Variants in ZDHHC12 observed in about 807,000 individuals in gnomAD.
ZDHHC12 encodes zDHHC palmitoyltransferase 12.
Under a neutral mutation model 33.2 loss-of-function variants are expected in ZDHHC12, and 26 were observed. The ratio of observed to expected loss-of-function variants is 0.78; its 90% CI spans 0.57 to 1.09. The LOEUF (loss-of-function observed/expected upper bound fraction) is 1.09, where lower values mean the gene tolerates loss of function less well. ZDHHC12 is among the 50% of genes least tolerant of loss of function. ZDHHC12 has a pLI of 0.00. For missense variants in ZDHHC12, 350 were observed against 353.0 expected (o/e 0.99, Z 0.07); for synonymous variants, 154 against 152.1 (o/e 1.01, Z -0.09).
chr9:128,721,847 G>A lies in ZDHHC12; in HGVS notation c.316-30C>T. The A allele has an allele frequency of 6.2e-7, 1 of 1,608,108 alleles. No individual in the cohort carries two copies. Among genetic ancestry groups the A allele is most frequent in the Non-Finnish European group, 8.5e-7 (1 of 1,176,778 alleles). ...GGGCATGGAGGAGAGTGGAGGCTCA[G>A]TGCCAGCCCTGCTGTGGGCCCACCA... On this transcript the variant is annotated intron_variant, in intron 3 of 4. Transcript: ENST00000372663. The surrounding 1 kb of genome is among the most constrained non-coding windows in gnomAD (Gnocchi z 6.9).
chr9:128,724,069 G>A lies in ZDHHC12; in HGVS notation c.25C>T (p.Pro9Ser), dbSNP rs1245560985. 2 of 1,599,840 alleles carry A rather than the reference G, an allele frequency of 1.3e-6. No homozygotes were observed. Among genetic ancestry groups the A allele is most frequent in the Middle Eastern group, 1.7e-4 (1 of 6,010 alleles). ...TGCCCGGTCCGCACCAGGACCCCAG[G>A]GCTGAGGAGCGCCCAGGGCGCCATC... MAPWALLS[P>S]GVLVRTGHTV... The change falls in exon 1 of 5, where the codon CCT (proline) becomes TCT (serine). Residue 9 changes from proline (P) to serine (S), a missense_variant. By Grantham distance (74) the Pro-to-Ser change is moderately conservative. Transcript: ENST00000372663.
chr9:128,722,953 G>A lies in ZDHHC12; in HGVS notation c.101-379C>T. 3.7e-6 allele frequency: 1 copy of A among 269,318 alleles called. No homozygotes were observed. Among genetic ancestry groups the A allele is most frequent in the Non-Finnish European group, 7.0e-6 (1 of 143,338 alleles). 16.7% of individuals were successfully genotyped at this position (269,318 alleles called of 1,614,324 possible). A position where few individuals can be genotyped will look rare whatever the true frequency, so the allele number is the denominator to read the frequency against. ...GAGCCAGACCTGACTGGATGTGGGAGAGAGGGAAGAGGGGTCCAGCGTCTC... is the reference window on the plus strand; with the variant it reads ...GAGCCAGACCTGACTGGATGTGGGAAAGAGGGAAGAGGGGTCCAGCGTCTC... On this transcript the variant is annotated intron_variant, in intron 1 of 4. Transcript: ENST00000372663. This position sits in a 1 kb window ranked among gnomAD's most constrained non-coding sequence, Gnocchi z 4.2.
Position 128,722,578 on chromosome 9 carries a change from G to A in ZDHHC12, c.101-4C>T, listed in dbSNP as rs1008646555. 5.7e-6 allele frequency: 9 copies of A among 1,591,420 alleles called. No homozygotes were observed. The highest frequency in any genetic ancestry group is 1.8e-5 in the Admixed American group (1 of 56,656). On this transcript the variant is annotated splice_region_variant and splice_polypyrimidine_tract_variant and intron_variant, in intron 1 of 4. Coordinates refer to ENST00000372663, the MANE Select transcript of ZDHHC12 (RefSeq NM_032799.5). The surrounding 1 kb of genome is among the most constrained non-coding windows in gnomAD (Gnocchi z 4.2). The stretch of plus-strand genomic sequence containing the variant: ...TGCTCCTCCCATTGCCGCAGCTCTG[G>A]AGAGGCCGGAGAGCACAGTGAGGCT...
At position 128,722,121 on chromosome 9, in the gene ZDHHC12, C is replaced by T; in HGVS notation, c.238-35G>A. On this transcript the variant is annotated intron_variant, in intron 2 of 4. Coordinates refer to ENST00000372663, the MANE Select transcript of ZDHHC12 (RefSeq NM_032799.5). This position sits in a 1 kb window ranked among gnomAD's most constrained non-coding sequence, Gnocchi z 4.2. ...GGGGTGGGGTGTAAGACAGGGTCCC[C>T]TTGGGAGACAGATGGCATTGGCGGG... 6.2e-7 allele frequency: 1 copy of T among 1,613,012 alleles called. No homozygotes were observed. The highest frequency in any genetic ancestry group is 1.1e-5 in the South Asian group (1 of 91,064).
Position 128,721,742 on chromosome 9 carries a change from C to T in ZDHHC12, c.391G>A (p.Glu131Lys), listed in dbSNP as rs1047106297. The change falls in exon 4 of 5, where the codon GAG (glutamate) becomes AAG (lysine). Residue 131 changes from glutamate to lysine, a missense_variant. Glu to Lys is a moderately conservative substitution (Grantham distance 56, BLOSUM62 1). Coordinates refer to ENST00000372663, the MANE Select transcript of ZDHHC12 (RefSeq NM_032799.5). This position sits in a 1 kb window ranked among gnomAD's most constrained non-coding sequence, Gnocchi z 6.9. ...TGGTTGCGCTCTCCCACACAGTTCT[C>T]CATCCAGGGGCAGTGGTGGTCGTAG... ...RRYDHHCPWM[E>K]NCVGERNHPL... 2.5e-6 allele frequency: 4 copies of T among 1,613,898 alleles called. No individual in the cohort carries two copies. The highest frequency in any genetic ancestry group is 3.4e-6 in the Non-Finnish European group (4 of 1,180,004).
chr9:128,721,946 G>A lies in ZDHHC12; in HGVS notation c.315+63C>T. The A allele has an allele frequency of 6.2e-7, 1 of 1,611,372 alleles. No homozygotes were observed. The highest frequency in any genetic ancestry group is 2.2e-5 in the East Asian group (1 of 44,832). Reference sequence around the variant, plus strand: ...GGGCGAGGCCCAGGCAGTGGGGCAGGAGGAGGTCGAGGAGTCTCAGCTTTG... The same window carrying A: ...GGGCGAGGCCCAGGCAGTGGGGCAGAAGGAGGTCGAGGAGTCTCAGCTTTG... On this transcript the variant is annotated intron_variant, in intron 3 of 4. Transcript: ENST00000372663. This position sits in a 1 kb window ranked among gnomAD's most constrained non-coding sequence, Gnocchi z 6.9.
chr9:128,721,572 C>T lies in ZDHHC12; in HGVS notation c.483-70G>A. The T allele has an allele frequency of 6.3e-7, 1 of 1,588,820 alleles. No individual in the cohort carries two copies. The highest frequency in any genetic ancestry group is 2.2e-5 in the East Asian group (1 of 44,572). ...GAGCCCTTCCCTCCCCATGCCGGGT[C>T]CCTGGGAGTCCTGGCTCTGTCCACC... On this transcript the variant is annotated intron_variant, in intron 4 of 4. Coordinates refer to ENST00000372663, the MANE Select transcript of ZDHHC12 (RefSeq NM_032799.5). This position sits in a 1 kb window ranked among gnomAD's most constrained non-coding sequence, Gnocchi z 6.9.
Position 128,723,701 on chromosome 9 carries a change from G to T in ZDHHC12, c.100+293C>A. 1 of 494,486 alleles carries T rather than the reference G, an allele frequency of 2.0e-6. No homozygotes were observed. The highest frequency in any genetic ancestry group is 3.6e-6 in the Non-Finnish European group (1 of 278,228). 30.6% of individuals were successfully genotyped at this position (494,486 alleles called of 1,614,324 possible). ...GATCATGTGGGTCCCAGGATCAGGG[G>T]ACATGGGGCTCAAGTCGGTCCTTGG... On this transcript the variant is annotated intron_variant, in intron 1 of 4. Coordinates refer to ENST00000372663, the MANE Select transcript of ZDHHC12 (RefSeq NM_032799.5). This position sits in a 1 kb window ranked among gnomAD's most constrained non-coding sequence, Gnocchi z 4.4.
Position 128,723,245 on chromosome 9 carries a change from G to C in ZDHHC12, c.101-671C>G, listed in dbSNP as rs886846298. 2.6e-5 allele frequency: 4 copies of C among 152,676 alleles called. No homozygotes were observed. Among genetic ancestry groups the C allele is most frequent in the African/African-American group, 9.7e-5 (4 of 41,370 alleles). The allele number at this position is 152,676 out of a possible 1,614,324, so 9.5% of individuals were successfully genotyped here. A position where few individuals can be genotyped will look rare whatever the true frequency, so the allele number is the denominator to read the frequency against. On this transcript the variant is annotated intron_variant, in intron 1 of 4. Coordinates refer to ENST00000372663, the MANE Select transcript of ZDHHC12 (RefSeq NM_032799.5). This position sits in a 1 kb window ranked among gnomAD's most constrained non-coding sequence, Gnocchi z 4.4. ...AGAGAAGAAAGGGTGGGTTTTGAGG[G>C]GGGTTTTCTGATACGGAGACCTGAG...
chr9:128,722,863 G>T lies in ZDHHC12; in HGVS notation c.101-289C>A. 2.1e-5 allele frequency: 20 copies of T among 936,580 alleles called. No homozygotes were observed. Among genetic ancestry groups the T allele is most frequent in the Non-Finnish European group, 2.9e-5 (20 of 694,854 alleles). The allele number at this position is 936,580 out of a possible 1,614,324, so 58.0% of individuals were successfully genotyped here. A position where few individuals can be genotyped will look rare whatever the true frequency, so the allele number is the denominator to read the frequency against. On this transcript the variant is annotated intron_variant, in intron 1 of 4. Transcript: ENST00000372663. The surrounding 1 kb of genome is among the most constrained non-coding windows in gnomAD (Gnocchi z 4.2). ...GAATCTGGCCAGGAGGAAGAAGAGA[G>T]TCGCTACAAAGGCCTGGCAGGAAGT...
rs1862639269 is a variant in ZDHHC12 at position 128,723,781 on chromosome 9, G to T, written c.100+213C>A. 2.7e-6 allele frequency: 2 copies of T among 738,832 alleles called. No homozygotes were observed. The highest frequency in any genetic ancestry group is 4.3e-6 in the Non-Finnish European group (2 of 469,098). The allele number at this position is 738,832 out of a possible 1,614,324, so 45.8% of individuals were successfully genotyped here. A position where few individuals can be genotyped will look rare whatever the true frequency, so the allele number is the denominator to read the frequency against. ...TGGACAGGGCATTTGGCAATGATCA[G>T]GAAGATGCTGGGATTAATTAGGGAT... On this transcript the variant is annotated intron_variant, in intron 1 of 4. Transcript: ENST00000372663. This position sits in a 1 kb window ranked among gnomAD's most constrained non-coding sequence, Gnocchi z 4.4.
Position 128,722,340 on chromosome 9 carries a change from C to A in ZDHHC12, c.237+98G>T, listed in dbSNP as rs1364838321. 4.3e-6 allele frequency: 6 copies of A among 1,410,228 alleles called. No individual in the cohort carries two copies. The highest frequency in any genetic ancestry group is 5.7e-6 in the Non-Finnish European group (6 of 1,061,920). The allele number at this position is 1,410,228 out of a possible 1,614,324, so 87.4% of individuals were successfully genotyped here. On this transcript the variant is annotated intron_variant, in intron 2 of 4. Coordinates refer to ENST00000372663, the MANE Select transcript of ZDHHC12 (RefSeq NM_032799.5). This position sits in a 1 kb window ranked among gnomAD's most constrained non-coding sequence, Gnocchi z 4.2. ...GCTCTAGGGGTGGCAAGAGGAGTCA[C>A]TGAACTGCTCCCACAAGAGCCTGCA...
At position 128,723,678 on chromosome 9, in the gene ZDHHC12, T is replaced by A. The variant is rs1302149494; in HGVS notation, c.100+316A>T. ...ATTTGGGGTCAGTTCCTGGGAAGGA[T>A]CATGTGGGTCCCAGGATCAGGGGAC... On this transcript the variant is annotated intron_variant, in intron 1 of 4. Coordinates refer to ENST00000372663, the MANE Select transcript of ZDHHC12 (RefSeq NM_032799.5). This position sits in a 1 kb window ranked among gnomAD's most constrained non-coding sequence, Gnocchi z 4.4. 3 of 464,474 alleles carry A rather than the reference T, an allele frequency of 6.5e-6. No homozygotes were observed. Among genetic ancestry groups the A allele is most frequent in the East Asian group, 3.4e-5 (1 of 29,788 alleles). The allele number at this position is 464,474 out of a possible 1,614,324, so 28.8% of individuals were successfully genotyped here.
Position 128,721,732 on chromosome 9 carries a change from A to T in ZDHHC12, c.401T>A (p.Val134Glu), listed in dbSNP as rs1260106022. ...AAAGAGTGGGTGGTTGCGCTCTCCC[A>T]CACAGTTCTCCATCCAGGGGCAGTG... ...DHHCPWMENC[V>E]GERNHPLFVV... The change falls in exon 4 of 5, where the codon GTG (valine) becomes GAG (glutamate). Residue 134 changes from valine to glutamate, a missense_variant. Val to Glu is a moderately radical substitution (Grantham distance 121). Coordinates refer to ENST00000372663, the MANE Select transcript of ZDHHC12 (RefSeq NM_032799.5). The surrounding 1 kb of genome is among the most constrained non-coding windows in gnomAD (Gnocchi z 6.9). 6.2e-7 allele frequency: 1 copy of T among 1,613,742 alleles called. No individual in the cohort carries two copies. The highest frequency in any genetic ancestry group is 2.2e-5 in the East Asian group (1 of 44,894).
Position 128,722,357 on chromosome 9 carries a change from G to A in ZDHHC12, c.237+81C>T, listed in dbSNP as rs527483400. On this transcript the variant is annotated intron_variant, in intron 2 of 4. Transcript: ENST00000372663. This position sits in a 1 kb window ranked among gnomAD's most constrained non-coding sequence, Gnocchi z 4.2. ...AGGAGTCACTGAACTGCTCCCACAA[G>A]AGCCTGCAGCACAGAGCCTGGCATG... The A allele has an allele frequency of 4.4e-5, 63 of 1,441,294 alleles. No individual in the cohort carries two copies. In the African/African-American group the frequency reaches 7.5e-4, roughly 17 times the overall value. 89.3% of individuals were successfully genotyped at this position (1,441,294 alleles called of 1,614,324 possible). A position where few individuals can be genotyped will look rare whatever the true frequency, so the allele number is the denominator to read the frequency against.
chr9:128,723,824 GAGAGC>G lies in ZDHHC12; in HGVS notation c.100+165_100+169del. ...TTAGGGATCAACGGGGTATCAGACA[GAGAGC>G]AGGTGGCTCTTGGAATGATAGATGG... is the stretch of plus-strand genomic sequence containing the variant. On this transcript the variant is annotated intron_variant, in intron 1 of 4. Coordinates refer to ENST00000372663, the MANE Select transcript of ZDHHC12 (RefSeq NM_032799.5). This position sits in a 1 kb window ranked among gnomAD's most constrained non-coding sequence, Gnocchi z 4.4. 1 of 964,234 alleles carries G rather than the reference GAGAGC, an allele frequency of 1.0e-6. No homozygotes were observed. Among genetic ancestry groups the G allele is most frequent in the Non-Finnish European group, 1.5e-6 (1 of 656,156 alleles). 59.7% of individuals were successfully genotyped at this position (964,234 alleles called of 1,614,324 possible).
Position 128,721,461 on chromosome 9 carries a change from C to G in ZDHHC12, c.524G>C (p.Arg175Pro). 1 of 1,591,506 alleles carries G rather than the reference C, an allele frequency of 6.3e-7. No homozygotes were observed. Among genetic ancestry groups the G allele is most frequent in the Non-Finnish European group, 8.5e-7 (1 of 1,169,648 alleles). The change falls in exon 5 of 5, where the codon CGG becomes CCG. Residue 175 changes from arginine to proline, a missense_variant. Coordinates refer to ENST00000372663, the MANE Select transcript of ZDHHC12 (RefSeq NM_032799.5). The surrounding 1 kb of genome is among the most constrained non-coding windows in gnomAD (Gnocchi z 6.9). ...GGTGGCGAACAGGAGCCCGCTGGAC[C>G]GCAACCACTGACCCCAGGGCTGGAA... ...RFFQPWGQWL[R>P]SSGLLFATFL...
Position 128,724,027 on chromosome 9 carries a change from C to A in ZDHHC12, c.67G>T (p.Gly23Ter). The change falls in exon 1 of 5, where the codon GGA becomes TGA. Residue 23 changes from glycine to a stop codon, truncating the protein, a stop_gained. Coordinates refer to ENST00000372663, the MANE Select transcript of ZDHHC12 (RefSeq NM_032799.5). LOFTEE classifies it high-confidence loss of function. The part of the protein sequence containing the change: ...VRTGHTVLTW[G>*]ITLVLFLHDT... ...TGCAGGAAGAGCACCAGCGTGATTC[C>A]CCAGGTCAGCACGGTGTGCCCGGTC... is the stretch of plus-strand genomic sequence containing the variant. The A allele has an allele frequency of 1.2e-6, 2 of 1,613,134 alleles. No homozygotes were observed. The highest frequency in any genetic ancestry group is 1.7e-6 in the Non-Finnish European group (2 of 1,179,546).
At position 128,722,098 on chromosome 9, in the gene ZDHHC12, G is replaced by A. The variant is rs1357009520; in HGVS notation, c.238-12C>T. 4 of 1,613,940 alleles carry A rather than the reference G, an allele frequency of 2.5e-6. No homozygotes were observed. Among genetic ancestry groups the A allele is most frequent in the South Asian group, 1.1e-5 (1 of 91,084 alleles). ...TCTTTGAGCTCCTCCTGGAATGAGG[G>A]GTGGGGTGTAAGACAGGGTCCCCTT... On this transcript the variant is annotated splice_polypyrimidine_tract_variant and intron_variant, in intron 2 of 4. Transcript: ENST00000372663. The surrounding 1 kb of genome is among the most constrained non-coding windows in gnomAD (Gnocchi z 4.2).
Sources: allele counts gnomAD v4.1 joint callset, GRCh38; gene constraint gnomAD v4.1.1; non-coding constraint Gnocchi (gnomAD v3.1); transcripts MANE v1.5; gene names NCBI Gene and HGNC (gene_info 2026-07-23, HGNC 2026-07-21).